Variants in CHD7 observed in about 807,000 individuals in gnomAD.
CHD7 encodes chromodomain helicase DNA binding protein 7.
In CHD7, 24 loss-of-function variants were observed where a neutral mutation model predicts 307.3. The ratio of observed to expected loss-of-function variants is 0.08; its 90% CI spans 0.06 to 0.11. CHD7 has a LOEUF of 0.11. Among genes scored for constraint, CHD7 ranks in the 10% least tolerant of loss-of-function variants. The pLI, the probability that CHD7 is intolerant of heterozygous loss-of-function variation, is 1.00. For synonymous variants in CHD7, 1,363 were observed against 1,349.9 expected (o/e 1.01, Z -0.21); for missense variants, 3,106 against 3,727.1 (o/e 0.83, Z 4.34).
At chr8:60,713,049 CAAAA>C (rs373922396) in intron 1 of CHD7, among the ~76,000 whole-genome samples, 1 of 102,158 alleles carries the variant, frequency 9.8e-6, no homozygotes. Context: ...AACTCTGTCT[CAAAA>C]AAAAAAAAAA....
At chr8:60,756,541 G>A (rs140493521) in intron 2 of CHD7, among the ~76,000 whole-genome samples, 4 of 152,220 alleles carry the variant, frequency 2.6e-5, no homozygotes, top group African/African-American at 9.6e-5. Context: ...GGCCAGGCAC[G>A]GTGGTGTGCA....
intron 4 of CHD7, 23 bp downstream of exon 4, chr8:60,795,150 C>T (rs1473084894): frequency 2.1e-5 from 33 of 1,606,052 alleles, no homozygotes; most frequent in Non-Finnish European, 2.6e-5. Context: ...TTGTGATTCC[C>T]GAGCCTTGGT....
chr8:60,778,853 T>TA (rs1209475226), intron 2 of CHD7, among the ~76,000 whole-genome samples: 1 of 150,174 alleles, frequency 6.7e-6, no homozygotes, highest in Non-Finnish European at 1.5e-5. Flanking sequence ...GGTCCATTGA[T>TA]ACTTAGGTAG....
At chr8:60,749,924 G>C (rs758395762) in intron 2 of CHD7, among the ~76,000 whole-genome samples, 1 of 152,146 alleles carries the variant, frequency 6.6e-6, no homozygotes, top group Non-Finnish European at 1.5e-5. Flanking sequence ...ATATACTACA[G>C]CTTATTGAGT....
intron 2 of CHD7, among the ~76,000 whole-genome samples, chr8:60,753,124 A>G (rs1809718414): frequency 6.6e-6 from 1 of 152,236 alleles, no homozygotes; most frequent in Non-Finnish European, 1.5e-5. Context: ...GGATTAAAGG[A>G]GATAAGTCAG....
intron 1 of CHD7, among the ~76,000 whole-genome samples, chr8:60,732,923 A>G (rs990591485): frequency 6.6e-5 from 10 of 152,104 alleles, no homozygotes; most frequent in Admixed American, 2.0e-4. Flanking sequence ...CCATATTACA[A>G]TTAATTAGGA....
At chr8:60,858,786 T>C (rs550814981) in intron 34 of CHD7, among the ~76,000 whole-genome samples, 95 of 152,262 alleles carry the variant, frequency 6.2e-4, no homozygotes, top group African/African-American at 2.3e-3. Flanking sequence ...TGTTTTGTAT[T>C]TTTGGTGGGG....
chr8:60,774,185 T>C (rs1810841809), intron 2 of CHD7, among the ~76,000 whole-genome samples: 1 of 152,142 alleles, frequency 6.6e-6, no homozygotes, highest in Non-Finnish European at 1.5e-5. Flanking sequence ...TGGTAAAGTA[T>C]GTGGATTTTG....
At chr8:60,800,713 A>G (rs1381003953) in intron 5 of CHD7, among the ~76,000 whole-genome samples, 188 bp downstream of exon 5, 1 of 152,232 alleles carries the variant, frequency 6.6e-6, no homozygotes, top group East Asian at 1.9e-4. Flanking sequence ...GTTCACTGCA[A>G]TTTATTTTTA....
rs374937585 is a variant in CHD7, at chr8:60,865,579, G to T, written c.8640G>T (p.Pro2880=). 1.4e-5 allele frequency: 23 copies of T among 1,613,882 alleles called. No individual in the cohort carries two copies. The highest frequency in any genetic ancestry group is 6.7e-5 in the Admixed American group (4 of 60,006). Residue 2880 remains proline, a synonymous_variant, in exon 38 of 38, where the codon CCG becomes CCT. Coordinates refer to ENST00000423902, the MANE Select transcript of CHD7 (RefSeq NM_017780.4). The surrounding 1 kb of genome is among the most constrained non-coding windows in gnomAD (Gnocchi z 4.3). ...GATCTGTTGGTGCTGCTACTGCCCC[G>T]GCTGGATTGCCCTCAAACCCGCTAG... ...ANGSVGAATA[P]AGLPSNPLAF...
intron 1 of CHD7, among the ~76,000 whole-genome samples, chr8:60,693,864 T>C (rs1407964671): frequency 1.3e-5 from 2 of 152,252 alleles, no homozygotes; most frequent in Non-Finnish European, 2.9e-5. Context: ...TGCTTTCTCC[T>C]GTGAGCCCCC....
intron 1 of CHD7, among the ~76,000 whole-genome samples, chr8:60,714,654 C>T (rs1185451390): frequency 2.6e-5 from 4 of 152,172 alleles, no homozygotes; most frequent in Admixed American, 2.6e-4. Flanking sequence ...GCACAGGCCA[C>T]GCCCTCTGTT....
At chr8:60,682,899 C>T (rs1229030730) in intron 1 of CHD7, among the ~76,000 whole-genome samples, 1 of 152,192 alleles carries the variant, frequency 6.6e-6, no homozygotes, top group Non-Finnish European at 1.5e-5. Context: ...CTTTGTAAGA[C>T]AGTGATTCTT....
intron 1 of CHD7, among the ~76,000 whole-genome samples, chr8:60,701,229 A>G (rs546654232): frequency 2.6e-5 from 4 of 152,340 alleles, no homozygotes; most frequent in African/African-American, 9.6e-5. Context: ...TTCACAGGTT[A>G]TGTAGTACTG....
At chr8:60,785,457 T>C (rs932497430) in intron 3 of CHD7, among the ~76,000 whole-genome samples, 4 of 152,182 alleles carry the variant, frequency 2.6e-5, no homozygotes, top group Non-Finnish European at 5.9e-5. Flanking sequence ...ACGAGAAACA[T>C]GTGAGGGTGC....
intron 2 of CHD7, among the ~76,000 whole-genome samples, chr8:60,770,981 T>C (rs1810680565): frequency 6.6e-6 from 1 of 152,258 alleles, no homozygotes; most frequent in Non-Finnish European, 1.5e-5. Flanking sequence ...ATTCTTCTTA[T>C]AACCAGCTTT....
intron 6 of CHD7, among the ~76,000 whole-genome samples, chr8:60,804,635 T>C (rs187865722): frequency 1.8e-3 from 272 of 152,340 alleles, no homozygotes; most frequent in Non-Finnish European, 3.3e-3. Flanking sequence ...GATAACTTTA[T>C]TGAGGTGCTT....
Position 60,841,841 on chromosome 8 carries a change from T to A in CHD7, c.4645-6T>A. ...ATGTCAAATGTATCTCCTCTTTTAT[T>A]ATTAGAACAACCTGGTTATTGATAC... is the stretch of plus-strand genomic sequence containing the variant. On this transcript the variant is annotated splice_polypyrimidine_tract_variant and splice_region_variant and intron_variant, in intron 20 of 37. Coordinates refer to ENST00000423902, the MANE Select transcript of CHD7 (RefSeq NM_017780.4). 1 of 1,607,974 alleles carries A rather than the reference T, an allele frequency of 6.2e-7. No homozygotes were observed. The highest frequency in any genetic ancestry group is 1.1e-5 in the South Asian group (1 of 90,338).
At chr8:60,681,042 A>T (rs1805600812) in intron 1 of CHD7, among the ~76,000 whole-genome samples, 1 of 151,798 alleles carries the variant, frequency 6.6e-6, no homozygotes, top group South Asian at 2.1e-4. Context: ...ATTTCACCCC[A>T]GTTCTCTCTC....
Sources: allele counts gnomAD v4.1 joint callset (sites outside exome capture counted in the v4.1 genomes callset), GRCh38; gene constraint gnomAD v4.1.1; non-coding constraint Gnocchi (gnomAD v3.1); transcripts MANE v1.5; gene names NCBI Gene and HGNC (gene_info 2026-07-23, HGNC 2026-07-21).